The following PACRG variants were observed in gnomAD, a reference collection of about 807,000 sequenced individuals.
PACRG encodes parkin coregulated gene protein.
PACRG carries 29 observed loss-of-function variants against 29.7 expected under a neutral mutation model. The ratio of observed to expected loss-of-function variants is 0.98; its 90% CI spans 0.73 to 1.33. The LOEUF is 1.33. Among genes scored for constraint, PACRG ranks in the 40% most tolerant of loss-of-function variants. PACRG has a pLI of 0.00. For missense variants in PACRG, 279 were observed against 316.2 expected, an observed-to-expected ratio of 0.88 and a Z score of 0.89; for synonymous variants, 116 against 118.7, an observed-to-expected ratio of 0.98 and a Z score of 0.15.
At chr6:163,118,442 A>G (rs546656233) in intron 4 of PACRG, among the ~76,000 whole-genome samples, 5 of 152,322 alleles carry the variant, frequency 3.3e-5, no homozygotes, top group African/African-American at 9.6e-5. Flanking sequence ...GTGATAGAAC[A>G]TTACTAATTA....
intron 2 of PACRG, among the ~76,000 whole-genome samples, chr6:163,033,144 T>C (rs1243099649): frequency 6.6e-6 from 1 of 152,228 alleles, no homozygotes; most frequent in African/African-American, 2.4e-5. Flanking sequence ...ACTTTTCTTA[T>C]ACACCTTGTG....
At chr6:162,932,995 T>A (rs1393792163) in intron 2 of PACRG, among the ~76,000 whole-genome samples, 1 of 152,052 alleles carries the variant, frequency 6.6e-6, no homozygotes, top group Non-Finnish European at 1.5e-5. Context: ...AGGTGTTTAT[T>A]GCTGTAAACT....
At chr6:163,025,476 C>T (rs75058607) in intron 2 of PACRG, among the ~76,000 whole-genome samples, 12 of 152,310 alleles carry the variant, frequency 7.9e-5, no homozygotes, top group African/African-American at 2.4e-4. Flanking sequence ...AGAGCACAAT[C>T]TCACTTCCAG....
chr6:162,999,862 A>G (rs1584974524), intron 2 of PACRG, among the ~76,000 whole-genome samples: 1 of 152,178 alleles, frequency 6.6e-6, no homozygotes, highest in East Asian at 1.9e-4. Context: ...GAAATCCTTC[A>G]TTTAGAAAAC....
At chr6:163,081,678 C>T (rs1813090314) in intron 3 of PACRG, among the ~76,000 whole-genome samples, 1 of 152,066 alleles carries the variant, frequency 6.6e-6, no homozygotes, top group Admixed American at 6.6e-5. Context: ...ATCACTTAAG[C>T]CCAGGTGGAT....
chr6:163,197,434 CTTT>C (rs57942658), intron 4 of PACRG, among the ~76,000 whole-genome samples: 2,446 of 105,686 alleles, frequency 0.023, 37 homozygotes, highest in African/African-American at 0.082. Flanking sequence ...CTTTTCTTTT[CTTT>C]TTTTTTTTTT....
chr6:163,133,737 T>C (rs191995916), intron 4 of PACRG, among the ~76,000 whole-genome samples: 464 of 152,322 alleles, frequency 3.0e-3, no homozygotes, highest in Middle Eastern at 0.01. Flanking sequence ...TGTTACAAAC[T>C]AAAATATAAA....
At chr6:162,851,664 C>T (rs1790871000) in intron 2 of PACRG, among the ~76,000 whole-genome samples, 1 of 151,710 alleles carries the variant, frequency 6.6e-6, no homozygotes, top group African/African-American at 2.4e-5. Flanking sequence ...TTCTTTTATC[C>T]CCCTTGAAAC....
At chr6:162,785,852 G>A (rs529543021) in intron 1 of PACRG, among the ~76,000 whole-genome samples, 1 of 152,006 alleles carries the variant, frequency 6.6e-6, no homozygotes, top group South Asian at 2.1e-4. Flanking sequence ...CCAGGGATTG[G>A]GGACCCCTAC....
intron 2 of PACRG, among the ~76,000 whole-genome samples, chr6:162,933,091 A>G (rs1797972387): frequency 6.6e-6 from 1 of 151,918 alleles, no homozygotes; most frequent in South Asian, 2.1e-4. Context: ...AGACTTTTTA[A>G]TATTTACTTC....
intron 4 of PACRG, among the ~76,000 whole-genome samples, chr6:163,115,957 G>A (rs556949461): frequency 2.0e-4 from 30 of 152,310 alleles, no homozygotes; most frequent in African/African-American, 7.2e-4. Context: ...AGCTATTCAT[G>A]CCTATGGGCA....
chr6:162,824,440 A>G (rs1029976214), intron 2 of PACRG, among the ~76,000 whole-genome samples: 1 of 152,204 alleles, frequency 6.6e-6, no homozygotes, highest in African/African-American at 2.4e-5. Flanking sequence ...ATCCAATTCC[A>G]TTGATCTCAT....
intron 4 of PACRG, among the ~76,000 whole-genome samples, chr6:163,154,791 A>G (rs1241365580): frequency 6.6e-6 from 1 of 152,190 alleles, no homozygotes; most frequent in African/African-American, 2.4e-5. Flanking sequence ...GTGTTTGATC[A>G]GGCAACTACA....
chr6:163,065,264 G>C (rs1811434594), intron 3 of PACRG, among the ~76,000 whole-genome samples: 1 of 152,246 alleles, frequency 6.6e-6, no homozygotes. Flanking sequence ...ATGGAGCATT[G>C]ATTGCTGGGA....
rs191364556 is a variant in PACRG, at chr6:162,765,833, A to G, written c.156+37442A>G. On this transcript the variant is annotated intron_variant, in intron 1 of 4. Transcript: ENST00000366888. Reference sequence around the variant, plus strand: ...TGGGCATTTCTTTAGATAAACACATATAACTATTTAATATTTTATACAATG... The same window carrying G: ...TGGGCATTTCTTTAGATAAACACATGTAACTATTTAATATTTTATACAATG... Among the ~76,000 whole-genome samples the G allele has an allele frequency of 8.3e-4, 127 of 152,290 alleles. 3 individuals are homozygous for G. In the Middle Eastern group the frequency reaches 0.037, roughly 45 times the overall value.
intron 1 of PACRG, among the ~76,000 whole-genome samples, chr6:162,793,869 C>A (rs1213143943): frequency 6.6e-6 from 1 of 152,068 alleles, no homozygotes; most frequent in Non-Finnish European, 1.5e-5. Context: ...GGGAAAGGAT[C>A]AGGAAAAATA....
chr6:162,857,982 T>C lies in PACRG; in HGVS notation c.291+43701T>C, dbSNP rs560963462. 4.6e-5 allele frequency among the ~76,000 whole-genome samples: 7 copies of C among 152,318 alleles called. No individual in the cohort carries two copies. The South Asian group carries it at 1.4e-3, about 32-fold the overall frequency. ...TTGTTGTTACCTGACAAGAAAATGGTTTATGAAAAGTTACTGTAAAACATT... is the reference window on the plus strand; with the variant it reads ...TTGTTGTTACCTGACAAGAAAATGGCTTATGAAAAGTTACTGTAAAACATT... On this transcript the variant is annotated intron_variant, in intron 2 of 4. Coordinates refer to ENST00000366888, the MANE Select transcript of PACRG (RefSeq NM_001080379.2).
chr6:163,244,088 A>G (rs1782604796), intron 4 of PACRG, among the ~76,000 whole-genome samples: 1 of 152,260 alleles, frequency 6.6e-6, no homozygotes, highest in African/African-American at 2.4e-5. Context: ...GTGATTCACA[A>G]AGACGAATAA....
intron 4 of PACRG, among the ~76,000 whole-genome samples, chr6:163,132,105 A>C (rs968483526): frequency 2.6e-5 from 4 of 152,224 alleles, no homozygotes; most frequent in African/African-American, 9.6e-5. Flanking sequence ...CTATATATTA[A>C]TTTTAATATG....
Sources: allele counts gnomAD v4.1 joint callset (sites outside exome capture counted in the v4.1 genomes callset), GRCh38; gene constraint gnomAD v4.1.1; transcripts MANE v1.5; gene names NCBI Gene and HGNC (gene_info 2026-07-23, HGNC 2026-07-21).